The following ENPEP variants were observed in gnomAD, a reference collection of about 807,000 sequenced individuals.
The protein encoded by ENPEP is glutamyl aminopeptidase.
In ENPEP, 103 loss-of-function variants were observed where a neutral mutation model predicts 114.5. The ratio of observed to expected loss-of-function variants is 0.90; its 90% confidence interval spans 0.77 to 1.06. The LOEUF (loss-of-function observed/expected upper bound fraction) is 1.06, where lower values mean the gene tolerates loss of function less well. ENPEP is among the 50% of genes least tolerant of loss of function. ENPEP has a pLI of 0.00. For missense variants in ENPEP, 1,196 were observed against 1,161.3 expected (o/e 1.03, Z -0.43); for synonymous variants, 420 against 422.0 (o/e 1.00, Z 0.06).
intron 17 of ENPEP, among the ~76,000 whole-genome samples, chr4:110,551,274 G>T (rs1446514091): frequency 6.6e-6 from 1 of 152,034 alleles, no homozygotes; most frequent in African/African-American, 2.4e-5. Context: ...CGACTTTAGT[G>T]CAATTTCTGG....
At chr4:110,553,557 C>G in intron 18 of ENPEP, 102 bp downstream of exon 18, 1 of 1,127,200 alleles carries the variant, frequency 8.9e-7, no homozygotes, top group Non-Finnish European at 1.2e-6. Context: ...TATACAATAT[C>G]TAAAATGGCA....
chr4:110,504,278 G>C (rs958402111), intron 3 of ENPEP, among the ~76,000 whole-genome samples: 2 of 152,314 alleles, frequency 1.3e-5, no homozygotes, highest in Admixed American at 6.5e-5. Flanking sequence ...GGGTAACAGG[G>C]GGTTGTGGCT....
At chr4:110,518,562 G>A (rs1725866214) in intron 8 of ENPEP, among the ~76,000 whole-genome samples, 1 of 152,178 alleles carries the variant, frequency 6.6e-6, no homozygotes. Context: ...CTTTTAATAT[G>A]CTGATTACAT....
At chr4:110,505,995 T>C (rs1479375367) in intron 3 of ENPEP, among the ~76,000 whole-genome samples, 6 of 152,226 alleles carry the variant, frequency 3.9e-5, no homozygotes, top group African/African-American at 1.4e-4. Context: ...ACTTAGAGAA[T>C]TGATGTAGCT....
intron 1 of ENPEP, among the ~76,000 whole-genome samples, chr4:110,481,083 C>T (rs772988380): frequency 6.6e-6 from 1 of 152,176 alleles, no homozygotes; most frequent in Admixed American, 6.5e-5. Context: ...ATTATGCTTA[C>T]TTAGCACTTC....
At chr4:110,525,880 G>A (rs1216327408) in intron 10 of ENPEP, among the ~76,000 whole-genome samples, 1 of 152,186 alleles carries the variant, frequency 6.6e-6, no homozygotes, top group African/African-American at 2.4e-5. Flanking sequence ...GAAGCAGGAG[G>A]TGGAGTAGGG....
At chr4:110,537,146 T>C (rs1726668130) in intron 11 of ENPEP, among the ~76,000 whole-genome samples, 1 of 152,214 alleles carries the variant, frequency 6.6e-6, no homozygotes, top group African/African-American at 2.4e-5. Context: ...GGGTGGTGGT[T>C]GCTAAAGACT....
chr4:110,510,201 T>C (rs1016383019), intron 5 of ENPEP, 44 bp from the exon 6 acceptor site: 6 of 1,507,158 alleles, frequency 4.0e-6, no homozygotes, highest in Non-Finnish European at 5.5e-6. Flanking sequence ...CTCTCTACCA[T>C]ACCCATAAGA....
intron 3 of ENPEP, among the ~76,000 whole-genome samples, chr4:110,504,158 T>C (rs1383686931): frequency 6.6e-6 from 1 of 152,184 alleles, no homozygotes; most frequent in Non-Finnish European, 1.5e-5. Flanking sequence ...ACCGGTCTTT[T>C]GGAACTCCAC....
Position 110,559,668 on chromosome 4 carries a change from C to A in ENPEP, c.2664C>A (p.Asn888Lys). ...CCAGATATACACTCAATAACAGAAACCTTGGCCGAATTGTCACAATAGCAG... is the reference window on the plus strand; with the variant it reads ...CCAGATATACACTCAATAACAGAAAACTTGGCCGAATTGTCACAATAGCAG... ...LVNRYTLNNR[N>K]LGRIVTIAEP... Residue 888 changes from asparagine to lysine, a missense_variant, in exon 19 of 20, where the codon AAC (asparagine) becomes AAA (lysine). Coordinates refer to ENST00000265162, the MANE Select transcript of ENPEP (RefSeq NM_001977.4). The A allele has an allele frequency of 6.2e-7, 1 of 1,613,642 alleles. No individual in the cohort carries two copies. Among genetic ancestry groups the A allele is most frequent in the Non-Finnish European group, 8.5e-7 (1 of 1,179,634 alleles).
At chr4:110,483,714 G>T (rs1724399818) in intron 1 of ENPEP, among the ~76,000 whole-genome samples, 2 of 152,314 alleles carry the variant, frequency 1.3e-5, no homozygotes, top group South Asian at 4.1e-4. Flanking sequence ...ACATTTGCCT[G>T]GCGCGATAAT....
chr4:110,481,971 T>G (rs541547023), intron 1 of ENPEP, among the ~76,000 whole-genome samples: 1 of 151,612 alleles, frequency 6.6e-6, no homozygotes, highest in South Asian at 2.1e-4. Context: ...AAAAGCAGAG[T>G]GGGGACAAGA....
At chr4:110,497,406 A>G (rs1391046028) in intron 3 of ENPEP, among the ~76,000 whole-genome samples, 2 of 152,140 alleles carry the variant, frequency 1.3e-5, no homozygotes, top group Non-Finnish European at 2.9e-5. Context: ...AGGATTGCTA[A>G]TGATTCTTAT....
At chr4:110,483,394 C>T (rs534962542) in intron 1 of ENPEP, among the ~76,000 whole-genome samples, 3 of 152,240 alleles carry the variant, frequency 2.0e-5, no homozygotes, top group South Asian at 4.2e-4. Context: ...TATAAAATTG[C>T]TCAGCACAGC....
chr4:110,505,819 C>A (rs1322667312), intron 3 of ENPEP, among the ~76,000 whole-genome samples: 2 of 152,140 alleles, frequency 1.3e-5, no homozygotes, highest in Non-Finnish European at 2.9e-5. Context: ...TGAGAAATGC[C>A]TAAACACCTG....
At chr4:110,481,194 A>G (rs1225984828) in intron 1 of ENPEP, among the ~76,000 whole-genome samples, 6 of 152,182 alleles carry the variant, frequency 3.9e-5, no homozygotes, top group African/African-American at 1.4e-4. Context: ...AGTTTGTGCA[A>G]TAATACTAAA....
intron 11 of ENPEP, among the ~76,000 whole-genome samples, chr4:110,534,806 G>C (rs2110378629): frequency 6.6e-6 from 1 of 151,812 alleles, no homozygotes; most frequent in Middle Eastern, 3.4e-3. Flanking sequence ...ACCGCGCCTG[G>C]CCTCTCTTTT....
intron 10 of ENPEP, among the ~76,000 whole-genome samples, chr4:110,529,868 G>T (rs1226420738): frequency 7.9e-5 from 12 of 152,168 alleles, no homozygotes; most frequent in Non-Finnish European, 1.6e-4. Flanking sequence ...GAGGTCAGGA[G>T]TTCGAGACCA....
At chr4:110,489,691 T>C (rs564577939) in intron 2 of ENPEP, among the ~76,000 whole-genome samples, 1 of 152,314 alleles carries the variant, frequency 6.6e-6, no homozygotes, top group East Asian at 1.9e-4. Context: ...ATCCCTATAA[T>C]GGATAATGTT....
Sources: gnomAD v4.1 joint callset for allele counts (sites outside exome capture counted in the v4.1 genomes callset) on GRCh38, gnomAD v4.1.1 for gene constraint, MANE v1.5 for transcripts, NCBI Gene and HGNC (gene_info 2026-07-23, HGNC 2026-07-21) for gene names.